The following NPSR1 variants were observed in gnomAD, a reference collection of about 807,000 sequenced individuals.
NPSR1 encodes the protein neuropeptide S receptor 1.
A neutral mutation model predicts 46.9 loss-of-function variants in NPSR1; 48 were observed. The observed-to-expected ratio is 1.02, with a 90% confidence interval of 0.81 to 1.30. The LOEUF (loss-of-function observed/expected upper bound fraction) is 1.30, where lower values mean the gene tolerates loss of function less well. Ranked by LOEUF, NPSR1 falls within the 50% of genes most tolerant of loss-of-function variation. The probability of loss-of-function intolerance (pLI) is 0.00; values close to 1 mark genes in which losing one functional copy is unlikely to be tolerated. For synonymous variants in NPSR1, 176 were observed against 168.1 expected, an observed-to-expected ratio of 1.05 and a Z score of -0.36; for missense variants, 450 against 449.5, an observed-to-expected ratio of 1.00 and a Z score of -0.01.
At chr7:34,809,557 G>C (rs1213301630) in intron 3 of NPSR1, among the ~76,000 whole-genome samples, 1 of 147,576 alleles carries the variant, frequency 6.8e-6, no homozygotes, top group African/African-American at 2.5e-5. Context: ...TCTGCCTCCC[G>C]GGTTCACGCC....
At chr7:34,777,443 G>T (rs1458849925) in intron 2 of NPSR1, among the ~76,000 whole-genome samples, 2 of 150,926 alleles carry the variant, frequency 1.3e-5, no homozygotes, top group Non-Finnish European at 2.9e-5. Flanking sequence ...TGCTGCCATT[G>T]GTGGGGGATG....
intron 1 of NPSR1, among the ~76,000 whole-genome samples, chr7:34,658,915 G>T (rs1179951766): frequency 6.6e-6 from 1 of 152,190 alleles, no homozygotes; most frequent in African/African-American, 2.4e-5. Flanking sequence ...AGGGGTTAGA[G>T]CTATGAGTTT....
At chr7:34,765,303 T>C (rs1214577394) in intron 2 of NPSR1, among the ~76,000 whole-genome samples, 1 of 152,056 alleles carries the variant, frequency 6.6e-6, no homozygotes, top group Non-Finnish European at 1.5e-5. Context: ...GCCAAAGCAA[T>C]CAACAGAACC....
At chr7:34,713,295 A>G (rs1783396060) in intron 2 of NPSR1, among the ~76,000 whole-genome samples, 1 of 152,216 alleles carries the variant, frequency 6.6e-6, no homozygotes, top group Admixed American at 6.5e-5. Context: ...TTTAGGAGTC[A>G]GTATATTCGT....
chr7:34,820,125 A>G (rs546483344), intron 4 of NPSR1, among the ~76,000 whole-genome samples: 1 of 152,338 alleles, frequency 6.6e-6, no homozygotes, highest in African/African-American at 2.4e-5. Context: ...AAAGGAAAAA[A>G]CTAAACAAAA....
chr7:34,791,189 TA>T (rs199704818), intron 3 of NPSR1, among the ~76,000 whole-genome samples: 16,303 of 75,330 alleles, frequency 0.22, 1,768 homozygotes, highest in East Asian at 0.38. Flanking sequence ...TTATATATGT[TA>T]TATGTTATAT....
chr7:34,766,630 T>G lies in NPSR1; in HGVS notation c.281-11832T>G, dbSNP rs553462910. Among the ~76,000 whole-genome samples the G allele has an allele frequency of 3.3e-5, 5 of 152,170 alleles. No individual in the cohort carries two copies. The South Asian group carries it at 1.0e-3, about 32-fold the overall frequency. On this transcript the variant is annotated intron_variant, in intron 2 of 8. Transcript: ENST00000360581. ...CTCTGTTTCCCAGGCTGGAGTGCAG[T>G]GGCGCAACCTCAGCTCACTGCAAGC...
intron 3 of NPSR1, among the ~76,000 whole-genome samples, chr7:34,805,746 GAC>G (rs773017836): frequency 6.6e-6 from 1 of 151,940 alleles, no homozygotes; most frequent in East Asian, 1.9e-4. Flanking sequence ...AGAATGAAAA[GAC>G]AGCCCTCAGA....
chr7:34,668,401 T>C lies in NPSR1; in HGVS notation c.147+9842T>C, dbSNP rs142609666. Among the ~76,000 whole-genome samples, 8 of 152,322 alleles carry C rather than the reference T, an allele frequency of 5.3e-5. No homozygotes were observed. The East Asian group carries it at 1.2e-3, about 22-fold the overall frequency. On this transcript the variant is annotated intron_variant, in intron 1 of 8. Transcript: ENST00000360581. ...CAATGTATTTAGTCCCTTTTCAGGA[T>C]TTTTGGTCTAGGTTAAGATTAAAAT... is the stretch of plus-strand genomic sequence containing the variant.
At chr7:34,711,806 C>G (rs1783302910) in intron 2 of NPSR1, among the ~76,000 whole-genome samples, 1 of 152,208 alleles carries the variant, frequency 6.6e-6, no homozygotes, top group South Asian at 2.1e-4. Context: ...GGGAGTGTTC[C>G]TCCCATTGCC....
intron 2 of NPSR1, among the ~76,000 whole-genome samples, chr7:34,726,558 A>C (rs1257595053): frequency 1.3e-5 from 2 of 152,246 alleles, no homozygotes; most frequent in Non-Finnish European, 2.9e-5. Flanking sequence ...GAATCTGCAC[A>C]TGAATGTTTA....
At chr7:34,666,621 G>GA (rs927512353) in intron 1 of NPSR1, among the ~76,000 whole-genome samples, 68 of 151,810 alleles carry the variant, frequency 4.5e-4, no homozygotes, top group East Asian at 1.4e-3. Flanking sequence ...CTTATTATAT[G>GA]AAAAAAAATA....
At chr7:34,775,011 T>C (rs566843375) in intron 2 of NPSR1, among the ~76,000 whole-genome samples, 54 of 152,334 alleles carry the variant, frequency 3.5e-4, no homozygotes, top group African/African-American at 1.3e-3. Flanking sequence ...CTTTCACTAC[T>C]GAACCACTAA....
rs577186339 is a variant in NPSR1 at position 34,823,399 on chromosome 7, G to GAAAAAAAAAAAAAAAAAAAAAAAAA, written c.479-3985_479-3984insAAAAAAAAAAAAAAAAAAAAAAAAA. Among the ~76,000 whole-genome samples, 6 of 68,254 alleles carry GAAAAAAAAAAAAAAAAAAAAAAAAA rather than the reference G, an allele frequency of 8.8e-5. 1 individual carries two copies. Among genetic ancestry groups the GAAAAAAAAAAAAAAAAAAAAAAAAA allele is most frequent in the East Asian group, 1.2e-3 (2 of 1,682 alleles). The allele number at this position is 68,254 out of a possible 152,430, so 44.8% of individuals were successfully genotyped here. On this transcript the variant is annotated intron_variant, in intron 4 of 8. Coordinates refer to ENST00000360581, the MANE Select transcript of NPSR1 (RefSeq NM_207172.2). ...TTGGCAACAGAGCAAGACTTCACCA[G>GAAAAAAAAAAAAAAAAAAAAAAAAA]AAAAAAAAAAAAAAAAACAACACCA...
chr7:34,784,572 T>G (rs1787374644), intron 3 of NPSR1, among the ~76,000 whole-genome samples: 1 of 152,324 alleles, frequency 6.6e-6, no homozygotes, highest in African/African-American at 2.4e-5. Flanking sequence ...GATGTGCTGC[T>G]GGATTCGGTT....
chr7:34,701,906 T>A (rs542487465), intron 2 of NPSR1, among the ~76,000 whole-genome samples: 5 of 152,360 alleles, frequency 3.3e-5, no homozygotes, highest in African/African-American at 1.2e-4. Context: ...TACTTCCATT[T>A]GGTCTTTTCT....
At chr7:34,779,708 ATTTC>A in intron 3 of NPSR1, 1 of 505,180 alleles carries the variant, frequency 2.0e-6, no homozygotes, top group East Asian at 4.3e-5. Context: ...ACATATTTCA[ATTTC>A]TTTCTGAGGA....
chr7:34,815,127 C>A (rs112041786), intron 4 of NPSR1, among the ~76,000 whole-genome samples: 5 of 152,234 alleles, frequency 3.3e-5, no homozygotes, highest in African/African-American at 1.2e-4. Flanking sequence ...CTCCTCCGAG[C>A]TAAAGGAGCA....
chr7:34,694,411 AAAAAT>A (rs145959840), intron 2 of NPSR1, among the ~76,000 whole-genome samples: 2,226 of 152,232 alleles, frequency 0.015, 51 homozygotes, highest in African/African-American at 0.052. Context: ...AATAGCCACA[AAAAAT>A]AAAATAAAAT....
Sources: allele counts gnomAD v4.1 joint callset (sites outside exome capture counted in the v4.1 genomes callset), GRCh38; gene constraint gnomAD v4.1.1; transcripts MANE v1.5; gene names NCBI Gene and HGNC (gene_info 2026-07-23, HGNC 2026-07-21).